CCSER2: variants seen among roughly 807,000 people sequenced by gnomAD.
The protein encoded by CCSER2 is coiled-coil serine rich protein 2.
CCSER2 carries 46 observed loss-of-function variants against 92.3 expected under a neutral mutation model. The observed-to-expected ratio is 0.50, with a 90% CI of 0.39 to 0.64. CCSER2 has a LOEUF of 0.64. Ranked by LOEUF, CCSER2 falls within the 30% of genes least tolerant of loss-of-function variation. The pLI, the probability that CCSER2 is intolerant of heterozygous loss-of-function variation, is 0.00. For missense variants in CCSER2, 1,244 were observed against 1,238.9 expected (o/e 1.00, Z -0.06); for synonymous variants, 433 against 431.4 (o/e 1.00, Z -0.04).
chr10:84,415,889 G>T (rs1332219387), intron 3 of CCSER2, among the ~76,000 whole-genome samples: 1 of 152,162 alleles, frequency 6.6e-6, no homozygotes, highest in African/African-American at 2.4e-5. Flanking sequence ...GTAAGGTGCC[G>T]TGCAAGTGGG....
intron 6 of CCSER2, among the ~76,000 whole-genome samples, chr10:84,449,214 A>C (rs1351264349): frequency 6.6e-6 from 1 of 152,104 alleles, no homozygotes; most frequent in Non-Finnish European, 1.5e-5. Flanking sequence ...ATTTCTACTA[A>C]AAATACAAAA....
At chr10:84,337,539 C>A (rs899216637) in intron 1 of CCSER2, among the ~76,000 whole-genome samples, 15 of 152,286 alleles carry the variant, frequency 9.8e-5, no homozygotes, top group African/African-American at 3.6e-4. Context: ...GAATTGTAGA[C>A]TGCTGGGATA....
intron 6 of CCSER2, 136 bp from the exon 7 acceptor site, chr10:84,463,797 T>C: frequency 1.7e-6 from 1 of 583,018 alleles, no homozygotes; most frequent in Non-Finnish European, 3.0e-6. Context: ...TCTAAAATTT[T>C]GTCTCCCATT....
At chr10:84,357,550 C>T (rs546263061) in intron 1 of CCSER2, among the ~76,000 whole-genome samples, 12 of 151,330 alleles carry the variant, frequency 7.9e-5, no homozygotes, top group South Asian at 4.2e-4. Context: ...CCCGGGCTCA[C>T]GCCATTCTCC....
At chr10:84,450,621 C>T (rs1441789375) in intron 6 of CCSER2, among the ~76,000 whole-genome samples, 1 of 152,120 alleles carries the variant, frequency 6.6e-6, no homozygotes, top group Non-Finnish European at 1.5e-5. Flanking sequence ...AGGCAGCTAT[C>T]ACTGCATCAA....
intron 4 of CCSER2, among the ~76,000 whole-genome samples, 159 bp downstream of exon 4, chr10:84,418,020 A>T (rs1842963872): frequency 3.3e-5 from 5 of 152,210 alleles, no homozygotes. Context: ...TTGCAAACTA[A>T]CTTAAATATT....
At chr10:84,387,888 G>A (rs1299574163) in intron 3 of CCSER2, among the ~76,000 whole-genome samples, 1 of 151,534 alleles carries the variant, frequency 6.6e-6, no homozygotes. Context: ...TTTTTGAGAC[G>A]GAGTCTTGCT....
At chr10:84,457,259 A>ATATATTATATATT (rs1564684309) in intron 6 of CCSER2, among the ~76,000 whole-genome samples, 5 of 55,104 alleles carry the variant, frequency 9.1e-5, no homozygotes, top group East Asian at 6.1e-4. Flanking sequence ...TATTATATAA[A>ATATATTATATATT]ATATATTATA....
At chr10:84,435,916 A>G (rs909985846) in intron 5 of CCSER2, among the ~76,000 whole-genome samples, 1 of 152,118 alleles carries the variant, frequency 6.6e-6, no homozygotes, top group African/African-American at 2.4e-5. Flanking sequence ...AATTATCTAG[A>G]TCAAGTGTGC....
intron 6 of CCSER2, among the ~76,000 whole-genome samples, chr10:84,443,626 G>T (rs993738369): frequency 6.6e-6 from 1 of 152,108 alleles, no homozygotes; most frequent in Non-Finnish European, 1.5e-5. Context: ...ATTTGATCCC[G>T]CAATCCCATT....
At chr10:84,511,841 C>T (rs1388709612) in intron 9 of CCSER2, among the ~76,000 whole-genome samples, 2 of 152,198 alleles carry the variant, frequency 1.3e-5, no homozygotes, top group South Asian at 2.1e-4. Context: ...TTCCGTTTTG[C>T]GGGACAGTTC....
In CCSER2 at chr10:84,372,052, A is replaced by T; in HGVS notation, c.1000A>T (p.Met334Leu). The change falls in exon 2 of 10, where the codon ATG (methionine) becomes TTG (leucine). Residue 334 changes from methionine (M) to leucine (L), a missense_variant. Transcript: ENST00000372088. Reference sequence around the variant, plus strand: ...TAGCCGATCTCCATTTTCTGGGACTATGACAGTTGATGGAAATAAAAATTC... The same window carrying T: ...TAGCCGATCTCCATTTTCTGGGACTTTGACAGTTGATGGAAATAAAAATTC... ...KSSRSPFSGT[M>L]TVDGNKNSPA... 2.5e-6 allele frequency: 4 copies of T among 1,613,880 alleles called. No individual in the cohort carries two copies. The South Asian group carries it at 3.3e-5, about 13-fold the overall frequency.
chr10:84,338,347 C>CA (rs1288314082), intron 1 of CCSER2, among the ~76,000 whole-genome samples: 3 of 149,822 alleles, frequency 2.0e-5, no homozygotes, highest in African/African-American at 7.3e-5. Flanking sequence ...AAAACCCCAA[C>CA]AAAAAACAAA....
At chr10:84,507,711 C>T (rs1047689222) in intron 9 of CCSER2, among the ~76,000 whole-genome samples, 3 of 152,126 alleles carry the variant, frequency 2.0e-5, no homozygotes, top group Admixed American at 6.6e-5. Context: ...AGTGCTTTTC[C>T]GTATGCTAAT....
chr10:84,505,498 C>G (rs1848992996), intron 9 of CCSER2, among the ~76,000 whole-genome samples: 1 of 152,114 alleles, frequency 6.6e-6, no homozygotes, highest in Non-Finnish European at 1.5e-5. Flanking sequence ...CAATTTTATA[C>G]ATAAGAATAG....
intron 5 of CCSER2, among the ~76,000 whole-genome samples, chr10:84,433,434 T>TACAC (rs139177738): frequency 0.13 from 19,165 of 150,578 alleles, 1,441 homozygotes; most frequent in Admixed American, 0.23. Flanking sequence ...CCCACACACA[T>TACAC]ACACACACAC....
At chr10:84,506,009 T>A (rs764289399) in intron 9 of CCSER2, among the ~76,000 whole-genome samples, 7 of 152,130 alleles carry the variant, frequency 4.6e-5, no homozygotes, top group Non-Finnish European at 7.4e-5. Context: ...TGAACTACTC[T>A]ACATCATCTG....
chr10:84,372,413 A>C lies in CCSER2; in HGVS notation c.1361A>C (p.Lys454Thr). The C allele has an allele frequency of 6.3e-7, 1 of 1,591,584 alleles. No individual in the cohort carries two copies. The highest frequency in any genetic ancestry group is 8.5e-7 in the Non-Finnish European group (1 of 1,174,188). Reference sequence around the variant, plus strand: ...CCACAGGATATGTTTGATTCCCCCAAGGAAAATGAAAAAGCCTTCAGTAAA... The same window carrying C: ...CCACAGGATATGTTTGATTCCCCCACGGAAAATGAAAAAGCCTTCAGTAAA... The part of the protein sequence containing the change: ...GPPQDMFDSP[K>T]ENEKAFSKTD... Residue 454 changes from lysine (K) to threonine (T), a missense_variant, in exon 2 of 10, where the codon AAG becomes ACG. Lys to Thr is a moderately conservative substitution (Grantham distance 78). Transcript: ENST00000372088.
At chr10:84,396,112 A>C (rs1841816583) in intron 3 of CCSER2, among the ~76,000 whole-genome samples, 1 of 151,654 alleles carries the variant, frequency 6.6e-6, no homozygotes, top group Non-Finnish European at 1.5e-5. Flanking sequence ...CTTTCTTCTT[A>C]TTTTTAAGCC....
Sources: gnomAD v4.1 joint callset for allele counts (sites outside exome capture counted in the v4.1 genomes callset) on GRCh38, gnomAD v4.1.1 for gene constraint, MANE v1.5 for transcripts, NCBI Gene and HGNC (gene_info 2026-07-23, HGNC 2026-07-21) for gene names.